The following CARM1 variants were observed in gnomAD, a reference collection of about 807,000 sequenced individuals.
CARM1 encodes coactivator associated arginine methyltransferase 1.
A neutral mutation model predicts 72.7 loss-of-function variants in CARM1; 14 were observed. The observed-to-expected ratio is 0.19, with a 90% CI of 0.13 to 0.30. CARM1 has a LOEUF of 0.30. CARM1 is among the 10% of genes least tolerant of loss of function. The pLI, the probability that CARM1 is intolerant of heterozygous loss-of-function variation, is 1.00. For synonymous variants in CARM1, 333 were observed against 345.5 expected (o/e 0.96, Z 0.40); for missense variants, 432 against 833.7 (o/e 0.52, Z 5.93).
At position 10,914,779 on chromosome 19, in the gene CARM1, C is replaced by T. The variant is rs1164498536; in HGVS notation, c.847+725C>T. Among the ~76,000 whole-genome samples the T allele has an allele frequency of 2.6e-5, 4 of 152,198 alleles. No homozygotes were observed. The East Asian group carries it at 7.7e-4, about 29-fold the overall frequency. On this transcript the variant is annotated intron_variant, in intron 6 of 15. Coordinates refer to ENST00000327064, the MANE Select transcript of CARM1 (RefSeq NM_199141.2). ...CCGTGTTGGTCAGGCTGGTCACGAA[C>T]TCCTGACCTCAGGTGATCTACCCGC...
intron 1 of CARM1, among the ~76,000 whole-genome samples, chr19:10,877,589 T>C (rs1403652598): frequency 6.6e-6 from 1 of 150,784 alleles, no homozygotes; most frequent in Middle Eastern, 3.2e-3. Context: ...CCCTGGCTAA[T>C]TTTTGTATTT....
At chr19:10,905,192 T>C (rs529518735) in intron 2 of CARM1, 116 bp downstream of exon 2, 112 of 1,291,656 alleles carry the variant, frequency 8.7e-5, no homozygotes, top group Non-Finnish European at 1.1e-4. Flanking sequence ...AAGGCTCCAC[T>C]GCCCTCAAAA....
intron 1 of CARM1, among the ~76,000 whole-genome samples, chr19:10,898,476 C>T (rs561525193): frequency 3.3e-5 from 5 of 152,346 alleles, no homozygotes; most frequent in East Asian, 1.9e-4. Context: ...CGGCTGATGC[C>T]GCAACAGTGG....
Position 10,909,091 on chromosome 19 carries a change from T to C in CARM1, c.454-12T>C. 1 of 1,605,406 alleles carries C rather than the reference T, an allele frequency of 6.2e-7. No individual in the cohort carries two copies. Among genetic ancestry groups the C allele is most frequent in the Non-Finnish European group, 8.5e-7 (1 of 1,172,540 alleles). On this transcript the variant is annotated splice_polypyrimidine_tract_variant and intron_variant, in intron 3 of 15. Coordinates refer to ENST00000327064, the MANE Select transcript of CARM1 (RefSeq NM_199141.2). Reference sequence around the variant, plus strand: ...CCATGTGCCCCGTGCCATCGGTATGTCTCTGTTCCAGTTTTATGGCTACCT... The same window carrying C: ...CCATGTGCCCCGTGCCATCGGTATGCCTCTGTTCCAGTTTTATGGCTACCT...
In CARM1 at chr19:10,914,065, G is replaced by C. The variant is rs377318197; in HGVS notation, c.847+11G>C. On this transcript the variant is annotated intron_variant, in intron 6 of 15. Transcript: ENST00000327064. ...ACCTGAAGCCCAGCGGTGAGCACTG[G>C]GGGGTACACAGGCCAGGCCCCTCGG... is the stretch of plus-strand genomic sequence containing the variant. The C allele has an allele frequency of 5.6e-6, 9 of 1,607,938 alleles. No individual in the cohort carries two copies. The East Asian group carries it at 1.6e-4, about 28-fold the overall frequency.
At position 10,915,092 on chromosome 19, in the gene CARM1, G is replaced by A. The variant is rs1271582472; in HGVS notation, c.847+1038G>A. 2.6e-5 allele frequency among the ~76,000 whole-genome samples: 4 copies of A among 152,194 alleles called. No homozygotes were observed. The highest frequency in any genetic ancestry group is 2.0e-4 in the Admixed American group (3 of 15,278). On this transcript the variant is annotated intron_variant, in intron 6 of 15. Transcript: ENST00000327064. This position sits in a 1 kb window ranked among gnomAD's most constrained non-coding sequence, Gnocchi z 4.6. ...TTGTGCAGGCAGGGGCAGGGGGGAA[G>A]CTTCCACTCTCATCTCTGGCCCGCC...
chr19:10,913,951 C>T lies in CARM1; in HGVS notation c.744C>T (p.Pro248=), dbSNP rs373235986. The T allele has an allele frequency of 1.2e-5, 20 of 1,613,738 alleles. No individual in the cohort carries two copies. Among genetic ancestry groups the T allele is most frequent in the South Asian group, 5.5e-5 (5 of 91,096 alleles). Reference sequence around the variant, plus strand: ...GCAAGGTGGAGGAGGTGTCACTCCCCGAGCAGGTGGACATCATCATCTCGG... The same window carrying T: ...GCAAGGTGGAGGAGGTGTCACTCCCTGAGCAGGTGGACATCATCATCTCGG... ...IPGKVEEVSL[P]EQVDIIISEP... is the part of the protein sequence containing the mutation. The change falls in exon 6 of 16, where the codon CCC becomes CCT. Residue 248 remains proline (P), a synonymous_variant. Transcript: ENST00000327064.
At chr19:10,875,363 C>T (rs142143880) in intron 1 of CARM1, among the ~76,000 whole-genome samples, 1 of 151,728 alleles carries the variant, frequency 6.6e-6, no homozygotes, top group African/African-American at 2.4e-5. Flanking sequence ...GGAGTCTCGC[C>T]GTGTTATAGG....
rs1184781686 is a variant in CARM1 at position 10,871,589 on chromosome 19, A to AGCGGCGGCGGCGGCGGCGGCG, written c.-84_-64dup. ...CGGCGGCTGCGGCGGCGGTAGCGGC[A>AGCGGCGGCGGCGGCGGCGGCG]GCGGCGGCGGCGGCGGCGGCGGCGG... On this transcript the variant is annotated 5_prime_UTR_variant, in exon 1 of 16. Transcript: ENST00000327064. The surrounding 1 kb of genome is among the most constrained non-coding windows in gnomAD (Gnocchi z 5.6). 2.2e-3 allele frequency: 252 copies of AGCGGCGGCGGCGGCGGCGGCG among 117,066 alleles called. No individual in the cohort carries two copies. The highest frequency in any genetic ancestry group is 5.4e-3 in the Middle Eastern group (1 of 186). 7.3% of individuals were successfully genotyped at this position (117,066 alleles called of 1,614,324 possible). A position where few individuals can be genotyped will look rare whatever the true frequency, so the allele number is the denominator to read the frequency against.
intron 15 of CARM1, 44 bp downstream of exon 15, chr19:10,921,487 C>A: frequency 6.3e-7 from 1 of 1,578,612 alleles, no homozygotes; most frequent in Non-Finnish European, 8.6e-7. Flanking sequence ...GCCGAGCTAG[C>A]GTGTGAGTCG....
At position 10,912,171 on chromosome 19, in the gene CARM1, A is replaced by C; in HGVS notation, c.559-13A>C. On this transcript the variant is annotated splice_polypyrimidine_tract_variant and intron_variant, in intron 4 of 15. Coordinates refer to ENST00000327064, the MANE Select transcript of CARM1 (RefSeq NM_199141.2). This position sits in a 1 kb window ranked among gnomAD's most constrained non-coding sequence, Gnocchi z 4.5. ...CTCCTATGTCTCGCTCTCACCTCCC[A>C]CTCCTCCCTCAGATCGTTCTTGATG... 1 of 1,607,122 alleles carries C rather than the reference A, an allele frequency of 6.2e-7. No homozygotes were observed. The highest frequency in any genetic ancestry group is 8.5e-7 in the Non-Finnish European group (1 of 1,174,500).
chr19:10,889,975 C>T (rs559621605), intron 1 of CARM1, among the ~76,000 whole-genome samples: 1 of 152,302 alleles, frequency 6.6e-6, no homozygotes, highest in South Asian at 2.1e-4. Flanking sequence ...TAACCTGTAA[C>T]CTGTAAAGCT....
intron 1 of CARM1, among the ~76,000 whole-genome samples, chr19:10,883,891 G>T (rs1018365416): frequency 2.6e-5 from 4 of 151,930 alleles, no homozygotes; most frequent in Non-Finnish European, 5.9e-5. Flanking sequence ...GGTGGTGTGC[G>T]CCTGTAATCC....
chr19:10,888,230 G>T lies in CARM1; in HGVS notation c.220+16308G>T, dbSNP rs549087032. On this transcript the variant is annotated intron_variant, in intron 1 of 15. Transcript: ENST00000327064. ...CTCCTTGTAGTGGTGAGGCTCAGGG[G>T]TCAACTAGCCTGGCCTGGCATTGCC... Among the ~76,000 whole-genome samples, 3 of 152,290 alleles carry T rather than the reference G, an allele frequency of 2.0e-5. No homozygotes were observed. In the East Asian group the frequency reaches 5.8e-4, roughly 30 times the overall value.
chr19:10,900,459 T>A (rs2074055640), intron 1 of CARM1, among the ~76,000 whole-genome samples: 2 of 152,224 alleles, frequency 1.3e-5, no homozygotes, highest in Admixed American at 1.3e-4. Context: ...GTCTGGCTTC[T>A]TTCGGCATGA....
At chr19:10,913,788 G>A in intron 5 of CARM1, 89 bp from the exon 6 acceptor site, 1 of 1,365,000 alleles carries the variant, frequency 7.3e-7, no homozygotes, top group Non-Finnish European at 1.0e-6. Context: ...GCCCATGTGT[G>A]GATGGAGGCT....
chr19:10,875,431 C>CTT (rs907426054), intron 1 of CARM1, among the ~76,000 whole-genome samples: 4 of 145,502 alleles, frequency 2.7e-5, no homozygotes, highest in African/African-American at 5.0e-5. Flanking sequence ...CTTTTCTTTT[C>CTT]TTTTTTTTTT....
chr19:10,877,163 T>G (rs558601137), intron 1 of CARM1, among the ~76,000 whole-genome samples: 1 of 152,012 alleles, frequency 6.6e-6, no homozygotes, highest in Non-Finnish European at 1.5e-5. Context: ...GAGCTTGTTA[T>G]GTGCCCCATC....
At chr19:10,918,396 A>G (rs1202884878) in intron 8 of CARM1, among the ~76,000 whole-genome samples, 1 of 151,562 alleles carries the variant, frequency 6.6e-6, no homozygotes, top group Non-Finnish European at 1.5e-5. Flanking sequence ...CGGCTAATTT[A>G]TTTTTTTGTA....
Sources: allele counts gnomAD v4.1 joint callset (sites outside exome capture counted in the v4.1 genomes callset), GRCh38; gene constraint gnomAD v4.1.1; non-coding constraint Gnocchi (gnomAD v3.1); transcripts MANE v1.5; gene names NCBI Gene and HGNC (gene_info 2026-07-23, HGNC 2026-07-21).